OLFM1: variants seen among roughly 807,000 people sequenced by gnomAD.
OLFM1 encodes olfactomedin 1, also known as noelin.
Under a neutral mutation model 49.7 loss-of-function variants are expected in OLFM1, and 9 were observed. The observed-to-expected ratio is 0.18, with a 90% CI of 0.11 to 0.32. The LOEUF (loss-of-function observed/expected upper bound fraction) is 0.32. Ranked by LOEUF, OLFM1 falls within the 10% of genes least tolerant of loss-of-function variation. The pLI, the probability that OLFM1 is intolerant of heterozygous loss-of-function variation, is 1.00. For missense variants in OLFM1, 369 were observed against 661.8 expected, an observed-to-expected ratio of 0.56 and a Z score of 4.85; for synonymous variants, 240 against 271.8, an observed-to-expected ratio of 0.88 and a Z score of 1.15.
intron 5 of OLFM1, among the ~76,000 whole-genome samples, chr9:135,110,425 A>T (rs1355549366): frequency 6.6e-6 from 1 of 152,186 alleles, no homozygotes; most frequent in Admixed American, 6.5e-5. Flanking sequence ...TGATATAATT[A>T]GGAAAACACT....
chr9:135,115,877 G>C (rs764359338), intron 5 of OLFM1, among the ~76,000 whole-genome samples: 4 of 152,248 alleles, frequency 2.6e-5, no homozygotes, highest in African/African-American at 4.8e-5. Flanking sequence ...TGATGCCAGC[G>C]TCCGGCACAG....
At chr9:135,093,365 C>T (rs1252308058) in intron 2 of OLFM1, among the ~76,000 whole-genome samples, 1 of 152,230 alleles carries the variant, frequency 6.6e-6, no homozygotes, top group Non-Finnish European at 1.5e-5. Flanking sequence ...GGCAGGCCTC[C>T]TGGCTGGGTG....
At chr9:135,079,660 A>G (rs1023518485) in intron 1 of OLFM1, among the ~76,000 whole-genome samples, 2 of 152,196 alleles carry the variant, frequency 1.3e-5, no homozygotes, top group African/African-American at 2.4e-5. Context: ...TGCAGCAGGA[A>G]GAAGGGCCTG....
At chr9:135,086,195 A>G (rs1830594071), upstream of OLFM1, among the ~76,000 whole-genome samples, 1 of 152,204 alleles carries the variant, frequency 6.6e-6, no homozygotes, top group Non-Finnish European at 1.5e-5. Context: ...GCCTGGGCCC[A>G]GTCTGTGAGC....
chr9:135,097,974 T>A, intron 3 of OLFM1: 1 of 1,430,716 alleles, frequency 7.0e-7, no homozygotes, highest in Non-Finnish European at 9.1e-7. Flanking sequence ...TAGCTGCATT[T>A]CATGAATAGT....
At chr9:135,085,000 G>A (rs1830579640), upstream of OLFM1, among the ~76,000 whole-genome samples, 2 of 152,362 alleles carry the variant, frequency 1.3e-5, no homozygotes, top group South Asian at 4.1e-4. The surrounding 1 kb of genome is among the most constrained non-coding windows in gnomAD (Gnocchi z 4.6). Flanking sequence ...AAGCTGGGCA[G>A]GAGCACCCTC....
chr9:135,087,376 G>T, upstream of OLFM1: 1 of 1,547,112 alleles, frequency 6.5e-7, no homozygotes, highest in Non-Finnish European at 8.7e-7. Context: ...GCGTGAGGAT[G>T]GGAGAAGCCC....
chr9:135,114,152 A>G (rs1194765910), intron 5 of OLFM1, among the ~76,000 whole-genome samples: 22 of 26,660 alleles, frequency 8.3e-4, no homozygotes, highest in South Asian at 1.1e-3. Context: ...TTTTTTTTTG[A>G]GACAGGGTCT....
chr9:135,109,417 G>C (rs1830991129), intron 5 of OLFM1, among the ~76,000 whole-genome samples: 1 of 152,146 alleles, frequency 6.6e-6, no homozygotes. Context: ...CAGGAAAAGA[G>C]GCTCTGATGG....
upstream of OLFM1, among the ~76,000 whole-genome samples, chr9:135,083,183 CG>C (rs1177828131): frequency 2.6e-5 from 4 of 152,186 alleles, no homozygotes; most frequent in Admixed American, 2.6e-4. Flanking sequence ...CCCTGAAAAA[CG>C]TGCATTCAGC....
chr9:135,091,583 ACT>A (rs898282353), intron 2 of OLFM1, among the ~76,000 whole-genome samples: 105 of 149,188 alleles, frequency 7.0e-4, no homozygotes, highest in African/African-American at 2.1e-3. Context: ...ACAGTCACAC[ACT>A]CACAGTCACA....
intron 5 of OLFM1, among the ~76,000 whole-genome samples, chr9:135,119,277 C>T (rs576086573): frequency 1.3e-5 from 2 of 150,246 alleles, no homozygotes; most frequent in South Asian, 2.1e-4. Flanking sequence ...GAAGTGCTCA[C>T]TTGGTCTTTG....
chr9:135,099,310 C>G (rs1407676864), intron 4 of OLFM1, among the ~76,000 whole-genome samples: 1 of 151,966 alleles, frequency 6.6e-6, no homozygotes, highest in African/African-American at 2.4e-5. Context: ...TTCATACTAC[C>G]TACTTTTTAG....
chr9:135,076,735 G>C, intron 1 of OLFM1: 1 of 1,453,254 alleles, frequency 6.9e-7, no homozygotes, highest in Admixed American at 2.6e-5. Flanking sequence ...GGAAGTGATG[G>C]GCAGCCAGTA....
upstream of OLFM1, chr9:135,075,514 G>A (rs1366687109): frequency 9.7e-6 from 2 of 206,148 alleles, no homozygotes; most frequent in Non-Finnish European, 1.9e-5. Flanking sequence ...CAGACGCGCC[G>A]GAACCGGGAC....
chr9:135,083,732 C>G (rs572675866), upstream of OLFM1, among the ~76,000 whole-genome samples: 28 of 152,346 alleles, frequency 1.8e-4, no homozygotes, highest in South Asian at 2.5e-3. Context: ...GCACCTCTGG[C>G]TCACATGTCC....
intron 3 of OLFM1, among the ~76,000 whole-genome samples, chr9:135,097,541 G>A (rs1830816866): frequency 6.6e-6 from 1 of 152,144 alleles, no homozygotes; most frequent in East Asian, 1.9e-4. Flanking sequence ...GGGTGCTGTG[G>A]CTCTGGGGGA....
intron 2 of OLFM1, among the ~76,000 whole-genome samples, chr9:135,095,487 A>C (rs1299206775): frequency 6.8e-6 from 1 of 147,734 alleles, no homozygotes; most frequent in East Asian, 2.0e-4. Context: ...CAACAGAAAG[A>C]CTAGGAACAA....
In OLFM1 at chr9:135,079,912, G is replaced by C. The variant is rs1825002817; in HGVS notation, c.96+4110G>C. On this transcript the variant is annotated intron_variant, in intron 1 of 5. Coordinates refer to the OLFM1 transcript ENST00000252854. ...CTTCAGGTTTTATTGAGTGACTACT[G>C]TTTGCTGGGTCTCGGAGTTGGGCCA... Among the ~76,000 whole-genome samples the C allele has an allele frequency of 2.0e-5, 3 of 152,068 alleles. No individual in the cohort carries two copies. The South Asian group carries it at 6.2e-4, about 32-fold the overall frequency.
Sources: allele counts gnomAD v4.1 joint callset (sites outside exome capture counted in the v4.1 genomes callset), GRCh38; gene constraint gnomAD v4.1.1; non-coding constraint Gnocchi (gnomAD v3.1); transcripts MANE v1.5; gene names NCBI Gene and HGNC (gene_info 2026-07-23, HGNC 2026-07-21).